IFT56: variants seen among roughly 807,000 people sequenced by gnomAD.
IFT56 encodes intraflagellar transport protein 56.
chr7:139,166,822 T>C, the IFT56 span: 2 of 1,501,574 alleles, frequency 1.3e-6, no homozygotes, highest in Non-Finnish European at 1.8e-6. Context: ...CTAGTATAAT[T>C]ACTTTGTTGT....
chr7:139,148,302 A>G, the IFT56 span: 1 of 1,613,966 alleles, frequency 6.2e-7, no homozygotes, highest in Non-Finnish European at 8.5e-7. Flanking sequence ...ACCTTCAGCA[A>G]ATTCCTGATA....
At chr7:139,149,827 A>G in the IFT56 span, among the ~76,000 whole-genome samples, 1 of 152,180 alleles carries the variant, frequency 6.6e-6, no homozygotes, top group African/African-American at 2.4e-5. Context: ...TGTTTCATTT[A>G]ACATGTTTTA....
At chr7:139,157,437 G>A in the IFT56 span, among the ~76,000 whole-genome samples, 8 of 150,240 alleles carry the variant, frequency 5.3e-5, no homozygotes, top group Admixed American at 1.3e-4. Flanking sequence ...GTGAGCCACC[G>A]TGCCCGGCCA....
chr7:139,149,658 A>G, the IFT56 span, among the ~76,000 whole-genome samples: 1 of 152,096 alleles, frequency 6.6e-6, no homozygotes, highest in Non-Finnish European at 1.5e-5. Context: ...AATGGTGGAC[A>G]TTTTATAAAT....
chr7:139,172,669 C>A, the IFT56 span: 5 of 616,984 alleles, frequency 8.1e-6, no homozygotes, highest in South Asian at 6.8e-5. Context: ...CAGAAAAGGA[C>A]ATCTTTCCAA....
the IFT56 span, chr7:139,134,796 A>G: frequency 5.6e-6 from 9 of 1,612,326 alleles, no homozygotes; most frequent in Non-Finnish European, 7.6e-6. Context: ...GTTGGAGGTA[A>G]TGCCCAAAGA....
At chr7:139,160,965 G>A in the IFT56 span, 3 of 1,613,514 alleles carry the variant, frequency 1.9e-6, no homozygotes, top group East Asian at 4.5e-5. Flanking sequence ...TCAAAAGCTT[G>A]ATGGACAATG....
At chr7:139,147,235 C>T in the IFT56 span, 5 of 1,613,506 alleles carry the variant, frequency 3.1e-6, no homozygotes, top group South Asian at 2.2e-5. Context: ...CCACTATATG[C>T]GATCTCACTA....
chr7:139,177,803 A>G, the IFT56 span, among the ~76,000 whole-genome samples: 1 of 152,126 alleles, frequency 6.6e-6, no homozygotes, highest in Admixed American at 6.5e-5. Flanking sequence ...CAGGATCAGA[A>G]TCAGATGGTT....
the IFT56 span, chr7:139,140,058 A>T: frequency 8.1e-7 from 1 of 1,236,658 alleles, no homozygotes; most frequent in Non-Finnish European, 1.1e-6. Flanking sequence ...AGTTGTTTTG[A>T]AGATTTTAAA....
At chr7:139,165,256 C>G in the IFT56 span, 1 of 1,548,568 alleles carries the variant, frequency 6.5e-7, no homozygotes, top group South Asian at 1.1e-5. Flanking sequence ...TTGTCCTGGT[C>G]TTACTTACAA....
the IFT56 span, among the ~76,000 whole-genome samples, chr7:139,180,253 C>T: frequency 2.6e-5 from 4 of 152,070 alleles, no homozygotes; most frequent in African/African-American, 7.2e-5. Flanking sequence ...AGGAAAATGG[C>T]GTGAACCCGG....
At chr7:139,187,319 A>G in the IFT56 span, 4 of 1,489,648 alleles carry the variant, frequency 2.7e-6, no homozygotes, top group South Asian at 1.3e-5. Context: ...TATTTCATAC[A>G]GTCCCGTTTC....
chr7:139,139,448 A>T, the IFT56 span, among the ~76,000 whole-genome samples: 1 of 152,222 alleles, frequency 6.6e-6, no homozygotes, highest in African/African-American at 2.4e-5. Flanking sequence ...CAAAACATTT[A>T]AAAAATCTGA....
the IFT56 span, chr7:139,137,876 G>A: frequency 7.4e-6 from 12 of 1,613,284 alleles, no homozygotes; most frequent in Non-Finnish European, 1.0e-5. Context: ...AAGAAGAAGA[G>A]GATACTAATT....
chr7:139,166,034 C>T, the IFT56 span, among the ~76,000 whole-genome samples: 45,060 of 152,112 alleles, frequency 0.3, 13,147 homozygotes, highest in African/African-American at 0.74. Flanking sequence ...CTCCGCTCAC[C>T]GCAACCTCTG....
chr7:139,187,075 T>C, the IFT56 span, among the ~76,000 whole-genome samples: 346 of 118,970 alleles, frequency 2.9e-3, 1 homozygote, highest in Middle Eastern at 0.013. Flanking sequence ...CAGTCCGGCC[T>C]GGGCGACAGA....
the IFT56 span, among the ~76,000 whole-genome samples, chr7:139,148,658 G>T: frequency 6.6e-6 from 1 of 152,124 alleles, no homozygotes; most frequent in East Asian, 1.9e-4. Context: ...AATGCTTCTG[G>T]CCGGGCGCTG....
chr7:139,146,874 A>T, the IFT56 span: 1 of 691,926 alleles, frequency 1.4e-6, no homozygotes, highest in Non-Finnish European at 2.2e-6. Context: ...AATATAAAGA[A>T]AAAGAAAAGA....
Sources: allele counts gnomAD v4.1 joint callset (sites outside exome capture counted in the v4.1 genomes callset), GRCh38; gene constraint gnomAD v4.1.1; transcripts MANE v1.5; gene names NCBI Gene and HGNC (gene_info 2026-07-23, HGNC 2026-07-21).